Variants in RASGRF1 observed in about 807,000 individuals in gnomAD.
The protein encoded by RASGRF1 is Ras protein specific guanine nucleotide releasing factor 1, also known as ras-specific guanine nucleotide-releasing factor 1.
Under a neutral mutation model 138.7 loss-of-function variants are expected in RASGRF1, and 40 were observed. That is an observed-to-expected ratio of 0.29 (90% CI 0.22 to 0.38). RASGRF1 has a LOEUF of 0.38. Among genes scored for constraint, RASGRF1 ranks in the 10% least tolerant of loss-of-function variants. The pLI is 1.00. For missense variants in RASGRF1, 1,108 were observed against 1,650.4 expected (o/e 0.67, Z 5.69); for synonymous variants, 614 against 663.2 (o/e 0.93, Z 1.14).
intron 13 of RASGRF1, among the ~76,000 whole-genome samples, chr15:79,007,123 T>C (rs776044590): frequency 1.3e-5 from 2 of 152,244 alleles, no homozygotes; most frequent in Non-Finnish European, 2.9e-5. Flanking sequence ...AAATGTGGTC[T>C]ATTTGATCTG....
intron 1 of RASGRF1, among the ~76,000 whole-genome samples, chr15:79,088,601 C>G (rs968422567): frequency 1.3e-5 from 2 of 152,138 alleles, no homozygotes; most frequent in Non-Finnish European, 2.9e-5. Context: ...TCCTGCCTAC[C>G]CAGGAGCTCA....
chr15:78,968,292 C>T (rs1483212508), intron 26 of RASGRF1, among the ~76,000 whole-genome samples: 2 of 101,112 alleles, frequency 2.0e-5, no homozygotes, highest in African/African-American at 8.3e-5. Context: ...TATTTTTAGA[C>T]ACAAAGCCTC....
intron 5 of RASGRF1, among the ~76,000 whole-genome samples, chr15:79,044,429 A>T (rs2057333140): frequency 6.6e-6 from 1 of 152,096 alleles, no homozygotes; most frequent in South Asian, 2.1e-4. Flanking sequence ...ATTTGACCTG[A>T]TGGTGGGGTT....
chr15:79,059,973 C>G (rs980515257), intron 2 of RASGRF1, among the ~76,000 whole-genome samples: 1 of 13,376 alleles, frequency 7.5e-5, no homozygotes, highest in Non-Finnish European at 1.5e-4. Flanking sequence ...CTCACACACA[C>G]ACACACACAG....
Position 79,028,521 on chromosome 15 carries a change from C to A in RASGRF1, c.1263-662G>T, listed in dbSNP as rs570660217. On this transcript the variant is annotated intron_variant, in intron 8 of 26. Coordinates refer to ENST00000558480, the MANE Select transcript of RASGRF1 (RefSeq NM_001145648.3). ...ACTCCCCTATTTCGCTCTCCGACTG[C>A]TGTAATACCCCTCCTCTCCAAGAGA... is the stretch of plus-strand genomic sequence containing the variant. Among the ~76,000 whole-genome samples the A allele has an allele frequency of 2.1e-4, 32 of 152,208 alleles. No individual in the cohort carries two copies. The South Asian group carries it at 5.6e-3, about 27-fold the overall frequency.
chr15:78,965,822 G>A (rs952489783), intron 26 of RASGRF1, among the ~76,000 whole-genome samples: 1 of 152,220 alleles, frequency 6.6e-6, no homozygotes, highest in African/African-American at 2.4e-5. Flanking sequence ...CTGCACTCCA[G>A]GCTGGGTGAC....
chr15:78,995,661 T>C (rs2056376161), intron 20 of RASGRF1, 79 bp downstream of exon 20: 2 of 1,498,444 alleles, frequency 1.3e-6, no homozygotes. Flanking sequence ...ATACGGGTGA[T>C]GCCTGTGATG....
At chr15:78,963,625 G>T (rs2055588874) in intron 26 of RASGRF1, among the ~76,000 whole-genome samples, 1 of 152,098 alleles carries the variant, frequency 6.6e-6, no homozygotes. Context: ...ATATGTTTGG[G>T]AATCTTTTGG....
intron 2 of RASGRF1, among the ~76,000 whole-genome samples, chr15:79,061,720 A>T (rs1483560365): frequency 6.6e-6 from 1 of 152,106 alleles, no homozygotes; most frequent in Non-Finnish European, 1.5e-5. Flanking sequence ...ATTGATTTTG[A>T]GATTCTTCCA....
At chr15:78,975,670 C>T (rs2055856964) in intron 24 of RASGRF1, among the ~76,000 whole-genome samples, 1 of 152,068 alleles carries the variant, frequency 6.6e-6, no homozygotes, top group African/African-American at 2.4e-5. Context: ...ACCACCATAC[C>T]CAGCGAATTT....
At chr15:79,034,777 A>G (rs1468663917) in intron 6 of RASGRF1, among the ~76,000 whole-genome samples, 1 of 152,232 alleles carries the variant, frequency 6.6e-6, no homozygotes, top group African/African-American at 2.4e-5. Context: ...GCACAGAAAA[A>G]AATTGGAAGA....
chr15:79,083,404 C>G (rs1288782267), intron 1 of RASGRF1, among the ~76,000 whole-genome samples: 3 of 152,226 alleles, frequency 2.0e-5, no homozygotes, highest in Admixed American at 2.0e-4. Context: ...GCTGCACGCA[C>G]ACGGGCACCG....
At chr15:78,983,274 A>C (rs891091301) in intron 23 of RASGRF1, among the ~76,000 whole-genome samples, 3 of 152,186 alleles carry the variant, frequency 2.0e-5, no homozygotes, top group Non-Finnish European at 4.4e-5. Context: ...GACTGCATAG[A>C]GGGTGGAGAT....
Position 79,046,835 on chromosome 15 carries a change from G to T in RASGRF1, c.789C>A (p.Val263=). The T allele has an allele frequency of 6.2e-7, 1 of 1,614,270 alleles. No homozygotes were observed. The highest frequency in any genetic ancestry group is 1.1e-5 in the South Asian group (1 of 91,086). ...AEYVQQLHIL[V]NNFLRPLRMA... is the part of the protein sequence containing the mutation. ...TCCGCAGCGGGCGCAGGAAATTGTT[G>T]ACAAGGATGTGCAGCTGCTGCACGT... Residue 263 remains valine, a synonymous_variant, in exon 5 of 27, where the codon GTC becomes GTA. Coordinates refer to ENST00000558480, the MANE Select transcript of RASGRF1 (RefSeq NM_001145648.3). This position sits in a 1 kb window ranked among gnomAD's most constrained non-coding sequence, Gnocchi z 5.3.
chr15:78,973,180 C>A lies in RASGRF1; in HGVS notation c.3612+123G>T, dbSNP rs2055804012. On this transcript the variant is annotated intron_variant, in intron 25 of 26. Transcript: ENST00000558480. The surrounding 1 kb of genome is among the most constrained non-coding windows in gnomAD (Gnocchi z 4.9). ...TGTCATTGGGGAAGCTGGACCCAGG[C>A]TCCCAAATGGGGGCACCCTATGCAG... 1 of 724,648 alleles carries A rather than the reference C, an allele frequency of 1.4e-6. No individual in the cohort carries two copies. Among genetic ancestry groups the A allele is most frequent in the Admixed American group, 2.5e-5 (1 of 39,890 alleles). 44.9% of individuals were successfully genotyped at this position (724,648 alleles called of 1,614,324 possible). A position where few individuals can be genotyped will look rare whatever the true frequency, so the allele number is the denominator to read the frequency against.
At chr15:79,022,836 C>T (rs199848226) in intron 10 of RASGRF1, among the ~76,000 whole-genome samples, 1 of 152,286 alleles carries the variant, frequency 6.6e-6, no homozygotes, top group East Asian at 1.9e-4. Flanking sequence ...GGCCAGGCAT[C>T]CAGGGTCTGG....
At position 79,032,826 on chromosome 15, in the gene RASGRF1, G is replaced by T. The variant is rs1306792532; in HGVS notation, c.959-510C>A. 6.6e-6 allele frequency among the ~76,000 whole-genome samples: 1 copy of T among 152,202 alleles called. No individual in the cohort carries two copies. Among genetic ancestry groups the T allele is most frequent in the African/African-American group, 2.4e-5 (1 of 41,450 alleles). On this transcript the variant is annotated intron_variant, in intron 6 of 26. Coordinates refer to ENST00000558480, the MANE Select transcript of RASGRF1 (RefSeq NM_001145648.3). This position sits in a 1 kb window ranked among gnomAD's most constrained non-coding sequence, Gnocchi z 4.5. ...TCTGTTGCAGCTGGAAGGCTGCCCA[G>T]TTCCTCCCTCTGCCTGTCCCCGTGC... is the stretch of plus-strand genomic sequence containing the variant.
At chr15:78,966,781 C>T (rs1036786942) in intron 26 of RASGRF1, among the ~76,000 whole-genome samples, 1 of 152,058 alleles carries the variant, frequency 6.6e-6, no homozygotes, top group Non-Finnish European at 1.5e-5. Flanking sequence ...AGTGCAGCAG[C>T]CATTAGCCAC....
chr15:79,044,946 A>G (rs1184698744), intron 5 of RASGRF1, among the ~76,000 whole-genome samples: 1 of 152,218 alleles, frequency 6.6e-6, no homozygotes, highest in Non-Finnish European at 1.5e-5. Context: ...AGATGAATCA[A>G]TGAAGTATAA....
Sources: gnomAD v4.1 joint callset for allele counts (sites outside exome capture counted in the v4.1 genomes callset) on GRCh38, gnomAD v4.1.1 for gene constraint, Gnocchi (gnomAD v3.1) non-coding constraint, MANE v1.5 for transcripts, NCBI Gene and HGNC (gene_info 2026-07-23, HGNC 2026-07-21) for gene names.